VWCE: variants seen among roughly 807,000 people sequenced by gnomAD.
VWCE encodes the protein von Willebrand factor C and EGF domains.
In VWCE, 68 loss-of-function variants were observed where a neutral mutation model predicts 102.9. That is an observed-to-expected ratio of 0.66 (90% confidence interval 0.54 to 0.81). The LOEUF is 0.81. Among genes scored for constraint, VWCE ranks in the 30% least tolerant of loss-of-function variants. VWCE has a pLI of 0.00. For synonymous variants in VWCE, 497 were observed against 515.4 expected, an observed-to-expected ratio of 0.96 and a Z score of 0.48; for missense variants, 1,137 against 1,263.6, an observed-to-expected ratio of 0.90 and a Z score of 1.52.
At chr11:61,275,334 C>T (rs1854870461) in intron 11 of VWCE, among the ~76,000 whole-genome samples, 1 of 152,124 alleles carries the variant, frequency 6.6e-6, no homozygotes, top group South Asian at 2.1e-4. Context: ...TCAGACTGCC[C>T]TGGGCTCAAA....
chr11:61,278,632 G>A (rs1271179637), intron 9 of VWCE, among the ~76,000 whole-genome samples, 156 bp from the exon 10 acceptor site: 1 of 152,168 alleles, frequency 6.6e-6, no homozygotes, highest in African/African-American at 2.4e-5. Context: ...TGACTGTGTG[G>A]TCCTGCAAGG....
intron 12 of VWCE, 134 bp downstream of exon 12, chr11:61,274,365 G>A (rs1854838358): frequency 1.3e-6 from 1 of 757,444 alleles, no homozygotes; most frequent in Non-Finnish European, 2.2e-6. Context: ...TCCCTGTAGT[G>A]CCTTTGCTTC....
Position 61,281,008 on chromosome 11 carries a change from TG to T in VWCE, c.1014del (p.Thr339ProfsTer26). ...GTAGGCACTGGGGTGGCCAGCAGGG[TG>T]GACAGCAGCCACACAGGGGCAGAAG... Reference protein sequence around the residue: ...SSPSAPVWLLSTLLATPVPTA... With the variant: ...SSPSAPVWLLXTLLATPVPTA... On this transcript the variant is annotated frameshift_variant, in exon 8 of 20. Coordinates refer to ENST00000335613, the MANE Select transcript of VWCE (RefSeq NM_152718.2). LOFTEE classifies it high-confidence loss of function. 1 of 1,560,376 alleles carries T rather than the reference TG, an allele frequency of 6.4e-7. No homozygotes were observed. Among genetic ancestry groups the T allele is most frequent in the Non-Finnish European group, 8.7e-7 (1 of 1,152,912 alleles).
chr11:61,280,396 C>T (rs1855081775), intron 9 of VWCE, among the ~76,000 whole-genome samples: 1 of 152,036 alleles, frequency 6.6e-6, no homozygotes, highest in African/African-American at 2.4e-5. Context: ...GTCCCTAGAC[C>T]AGCCACGTCA....
intron 4 of VWCE, among the ~76,000 whole-genome samples, chr11:61,288,370 T>A (rs547101607): frequency 2.0e-5 from 3 of 152,016 alleles, no homozygotes; most frequent in Admixed American, 6.6e-5. Context: ...GTCTACTCAA[T>A]CTGCACTCAC....
chr11:61,269,152 T>C (rs1854597622), intron 14 of VWCE, 134 bp from the exon 15 acceptor site: 4 of 748,924 alleles, frequency 5.3e-6, no homozygotes, highest in East Asian at 5.4e-5. Context: ...GGCTGGAAGA[T>C]GGCAGGTCTC....
chr11:61,268,110 T>TTA (rs533602374), intron 15 of VWCE, among the ~76,000 whole-genome samples: 9 of 150,066 alleles, frequency 6.0e-5, no homozygotes, highest in Middle Eastern at 3.6e-3. Flanking sequence ...ATATGTATGT[T>TTA]TATATATATA....
At chr11:61,269,135 A>G (rs1854596503) in intron 14 of VWCE, 117 bp from the exon 15 acceptor site, 2 of 905,772 alleles carry the variant, frequency 2.2e-6, no homozygotes. Flanking sequence ...GAAAGGCAAC[A>G]TGACGCGGCT....
At position 61,265,045 on chromosome 11, in the gene VWCE, AG is replaced by A. The variant is rs1854469254; in HGVS notation, c.2057-8del. ...CTTCCCTCGTAGTTGCAGTCTGTGG[AG>A]GAAGGGGAGACAGGAGCCCATGAGA... is the stretch of plus-strand genomic sequence containing the variant. On this transcript the variant is annotated splice_polypyrimidine_tract_variant and splice_region_variant and intron_variant, in intron 17 of 19. Coordinates refer to ENST00000335613, the MANE Select transcript of VWCE (RefSeq NM_152718.2). The A allele has an allele frequency of 2.5e-6, 4 of 1,614,076 alleles. No individual in the cohort carries two copies. Among genetic ancestry groups the A allele is most frequent in the Non-Finnish European group, 3.4e-6 (4 of 1,180,000 alleles).
rs775414686 is a variant in VWCE, at chr11:61,264,499, A to C, written c.2218T>G (p.Ser740Ala). 2 of 1,613,548 alleles carry C rather than the reference A, an allele frequency of 1.2e-6. No homozygotes were observed. Among genetic ancestry groups the C allele is most frequent in the South Asian group, 2.2e-5 (2 of 90,864 alleles). The change falls in exon 19 of 20, where the codon TCT becomes GCT. Residue 740 changes from serine (S) to alanine (A), a missense_variant. By Grantham distance (99) the Ser-to-Ala change is moderately conservative. This residue lies in a region of VWCE where 316 missense variants were observed against 319.3 expected (regional missense o/e 0.99). Coordinates refer to ENST00000335613, the MANE Select transcript of VWCE (RefSeq NM_152718.2). Reference protein sequence around the residue: ...DPALLPGDCCSSCPDSLSPLE... With the variant: ...DPALLPGDCCASCPDSLSPLE... ...GAGACCCACTTACCTGGACAGGAAG[A>C]GCAGCAGTCCCCAGGAAGCAGGGCA...
Position 61,294,771 on chromosome 11 carries a change from T to C in VWCE, c.110+157A>G, listed in dbSNP as rs971656093. 5.3e-5 allele frequency among the ~76,000 whole-genome samples: 8 copies of C among 152,256 alleles called. No individual in the cohort carries two copies. The highest frequency in any genetic ancestry group is 1.4e-4 in the African/African-American group (6 of 41,558). ...CCTAGAGGCACAAGTTGCTGACTCT[T>C]TGTGCCGTCCCCGAGCTGTGCCCGC... On this transcript the variant is annotated intron_variant, in intron 1 of 19. Coordinates refer to ENST00000335613, the MANE Select transcript of VWCE (RefSeq NM_152718.2). This position sits in a 1 kb window ranked among gnomAD's most constrained non-coding sequence, Gnocchi z 6.3.
At position 61,278,453 on chromosome 11, in the gene VWCE, G is replaced by A. The variant is rs766158905; in HGVS notation, c.1348C>T (p.Arg450Ter). 16 of 1,613,970 alleles carry A rather than the reference G, an allele frequency of 9.9e-6. No individual in the cohort carries two copies. Among genetic ancestry groups the A allele is most frequent in the East Asian group, 6.7e-5 (3 of 44,890 alleles). Reference protein sequence around the residue: ...CTGCFHSGVVRAEGDVFSPPN... With the variant: ...CTGCFHSGVV ...GGTGAAAACACATCCCCTTCAGCTC[G>A]GACGACACCACTGTGAAAACAGCCT... The change falls in exon 10 of 20, where the codon CGA becomes TGA. Residue 450 changes from arginine (R) to a stop codon, truncating the protein, a stop_gained. Coordinates refer to ENST00000335613, the MANE Select transcript of VWCE (RefSeq NM_152718.2). LOFTEE classifies it high-confidence loss of function.
chr11:61,279,433 G>A (rs1855045247), intron 9 of VWCE, among the ~76,000 whole-genome samples: 1 of 152,036 alleles, frequency 6.6e-6, no homozygotes, highest in Admixed American at 6.5e-5. Context: ...AAATTAGCCA[G>A]GCTTGGTGGT....
intron 4 of VWCE, 139 bp from the exon 5 acceptor site, chr11:61,286,569 G>T: frequency 1.4e-6 from 1 of 706,000 alleles, no homozygotes. Flanking sequence ...TTGGGAGGCC[G>T]AGGCCCATGG....
intron 12 of VWCE, chr11:61,273,907 C>T (rs558474146): frequency 1.3e-5 from 2 of 154,874 alleles, no homozygotes; most frequent in South Asian, 2.0e-4. Context: ...CACACCTTCA[C>T]CCTGCTTCCT....
chr11:61,280,166 G>T (rs953033608), intron 9 of VWCE, among the ~76,000 whole-genome samples: 1 of 152,076 alleles, frequency 6.6e-6, no homozygotes, highest in Admixed American at 6.5e-5. Context: ...AGCAGATGGC[G>T]GGGGCGAGTC....
intron 10 of VWCE, among the ~76,000 whole-genome samples, chr11:61,278,057 A>G (rs1163573401): frequency 1.3e-5 from 2 of 152,080 alleles, no homozygotes; most frequent in Non-Finnish European, 2.9e-5. Flanking sequence ...GGAGACCTTT[A>G]TTGTGCTGGC....
chr11:61,271,803 G>A (rs572323209), intron 13 of VWCE, 43 bp from the exon 14 acceptor site: 1 of 1,573,012 alleles, frequency 6.4e-7, no homozygotes, highest in East Asian at 2.2e-5. Flanking sequence ...ACAAGACCTA[G>A]ACTACAACAG....
At chr11:61,283,845 A>C (rs1052433594) in intron 5 of VWCE, among the ~76,000 whole-genome samples, 3 of 152,194 alleles carry the variant, frequency 2.0e-5, no homozygotes, top group Admixed American at 1.3e-4. Flanking sequence ...GCTTCAGTGG[A>C]ACCTCCTCTG....
Sources: allele counts gnomAD v4.1 joint callset (sites outside exome capture counted in the v4.1 genomes callset), GRCh38; gene constraint gnomAD v4.1.1; regional missense constraint gnomAD v4.1.1; non-coding constraint Gnocchi (gnomAD v3.1); transcripts MANE v1.5; gene names NCBI Gene and HGNC (gene_info 2026-07-23, HGNC 2026-07-21).